The following PTK2B variants were observed in gnomAD, a reference collection of about 807,000 sequenced individuals.
PTK2B encodes the protein protein tyrosine kinase 2 beta.
PTK2B carries 71 observed loss-of-function variants against 142.9 expected under a neutral mutation model. The observed-to-expected ratio is 0.50, with a 90% CI of 0.41 to 0.61. The LOEUF (loss-of-function observed/expected upper bound fraction) is 0.61, where lower values mean the gene tolerates loss of function less well. Ranked by LOEUF, PTK2B falls within the 20% of genes least tolerant of loss-of-function variation. PTK2B has a pLI of 0.00. For missense variants in PTK2B, 1,105 were observed against 1,320.4 expected (o/e 0.84, Z 2.53); for synonymous variants, 519 against 503.4 (o/e 1.03, Z -0.42).
chr8:27,442,955 C>A lies in PTK2B; in HGVS notation c.2120C>A (p.Pro707His). 1 of 1,614,084 alleles carries A rather than the reference C, an allele frequency of 6.2e-7. No homozygotes were observed. Among genetic ancestry groups the A allele is most frequent in the Non-Finnish European group, 8.5e-7 (1 of 1,179,956 alleles). ...ARYRTPKILEPTAFQEPPPKP... is the reference protein window; with the variant it reads ...ARYRTPKILEHTAFQEPPPKP... ...TACCGAACCCCCAAAATCTTGGAGCCCACAGCCTTCCAGGAACCCCCACCC... is the reference window on the plus strand; with the variant it reads ...TACCGAACCCCCAAAATCTTGGAGCACACAGCCTTCCAGGAACCCCCACCC... Residue 707 changes from proline to histidine, a missense_variant, in exon 22 of 31, where the codon CCC becomes CAC. Coordinates refer to ENST00000346049, the MANE Select transcript of PTK2B (RefSeq NM_173176.3).
At chr8:27,341,240 A>G (rs1302519250) in intron 1 of PTK2B, among the ~76,000 whole-genome samples, 4 of 152,194 alleles carry the variant, frequency 2.6e-5, no homozygotes, top group Non-Finnish European at 2.9e-5. Flanking sequence ...ATTTTTCACA[A>G]GTACATGCAT....
In PTK2B at chr8:27,437,217, C is replaced by A. The variant is rs201401304; in HGVS notation, c.1426+11C>A. 2 of 1,609,462 alleles carry A rather than the reference C, an allele frequency of 1.2e-6. No homozygotes were observed. The highest frequency in any genetic ancestry group is 2.2e-5 in the East Asian group (1 of 44,816). On this transcript the variant is annotated intron_variant, in intron 16 of 30. Transcript: ENST00000346049. ...TCATGAGCGAGGCAGGTAGGGACCC[C>A]TGAGACCAACCAGGCCTCCAAGATG...
intron 1 of PTK2B, chr8:27,326,758 A>G (rs1223472832): frequency 6.6e-6 from 1 of 152,666 alleles, no homozygotes; most frequent in East Asian, 1.9e-4. Context: ...GTGACTAAAG[A>G]CAGAAGGGAG....
At chr8:27,401,265 A>G (rs919806479) in intron 2 of PTK2B, among the ~76,000 whole-genome samples, 2 of 58,968 alleles carry the variant, frequency 3.4e-5, no homozygotes, top group African/African-American at 8.7e-5. Flanking sequence ...GAGCAAGAGA[A>G]CCAGGAGAAC....
At chr8:27,390,893 G>T (rs1304073817) in intron 1 of PTK2B, among the ~76,000 whole-genome samples, 1 of 150,218 alleles carries the variant, frequency 6.7e-6, no homozygotes, top group African/African-American at 2.5e-5. Context: ...CGGGTCCATG[G>T]CAGAGACTCA....
chr8:27,324,111 A>G (rs975929048), upstream of PTK2B, among the ~76,000 whole-genome samples: 2 of 152,152 alleles, frequency 1.3e-5, no homozygotes, highest in Admixed American at 1.3e-4. Context: ...ATGCCCTCTG[A>G]CCATGTCCTT....
intron 1 of PTK2B, among the ~76,000 whole-genome samples, chr8:27,392,918 G>T (rs542997180): frequency 6.6e-6 from 1 of 152,184 alleles, no homozygotes; most frequent in Non-Finnish European, 1.5e-5. Context: ...CAAAGTCCTG[G>T]CACAAGAAGG....
intron 23 of PTK2B, among the ~76,000 whole-genome samples, chr8:27,444,814 T>C (rs1563296657): frequency 6.6e-6 from 1 of 152,196 alleles, no homozygotes; most frequent in Admixed American, 6.5e-5. Context: ...TCTCCTCTTA[T>C]TTCTTCTCTT....
intron 1 of PTK2B, among the ~76,000 whole-genome samples, chr8:27,339,758 T>C (rs1395230887): frequency 6.6e-6 from 1 of 152,192 alleles, no homozygotes; most frequent in African/African-American, 2.4e-5. Flanking sequence ...CACAGCAATG[T>C]GGACATACAT....
chr8:27,431,067 C>T, intron 8 of PTK2B, 51 bp downstream of exon 8: 2 of 1,579,594 alleles, frequency 1.3e-6, no homozygotes, highest in Non-Finnish European at 1.7e-6. Context: ...CCAGGCCTCT[C>T]GGAAAAGGGG....
At chr8:27,311,827 A>G (rs1463594362) in intron 1 of PTK2B, 1 of 152,372 alleles carries the variant, frequency 6.6e-6, no homozygotes, top group Non-Finnish European at 1.5e-5. Flanking sequence ...AAGGAGAAAC[A>G]AGAGAGGGGT....
intron 11 of PTK2B, 38 bp from the exon 12 acceptor site, chr8:27,434,055 C>A (rs372140682): frequency 8.9e-5 from 144 of 1,610,652 alleles, no homozygotes; most frequent in Non-Finnish European, 1.2e-4. Context: ...GTCCCTGTGT[C>A]CCCAGCTCCA....
At chr8:27,421,982 TG>T (rs1365424081) in intron 4 of PTK2B, among the ~76,000 whole-genome samples, 1 of 152,254 alleles carries the variant, frequency 6.6e-6, no homozygotes, top group Non-Finnish European at 1.5e-5. Flanking sequence ...AACAGAGCTT[TG>T]GATAAATTAC....
chr8:27,412,789 A>C (rs891914118), intron 2 of PTK2B, among the ~76,000 whole-genome samples: 1 of 152,130 alleles, frequency 6.6e-6, no homozygotes, highest in African/African-American at 2.4e-5. Flanking sequence ...TCTTAGAAGG[A>C]AATCTGAAAA....
intron 1 of PTK2B, among the ~76,000 whole-genome samples, chr8:27,342,110 A>G (rs758889291): frequency 6.6e-6 from 1 of 152,002 alleles, no homozygotes; most frequent in Non-Finnish European, 1.5e-5. Context: ...TTTGAGAACC[A>G]CTGCAGTGGA....
chr8:27,408,948 T>A (rs11994561), intron 2 of PTK2B, among the ~76,000 whole-genome samples: 2 of 152,072 alleles, frequency 1.3e-5, no homozygotes, highest in Non-Finnish European at 2.9e-5. Context: ...CTGAAGTCCA[T>A]AGGGGAACCC....
chr8:27,433,339 G>A, intron 10 of PTK2B, 96 bp from the exon 11 acceptor site: 1 of 1,073,694 alleles, frequency 9.3e-7, no homozygotes, highest in Non-Finnish European at 1.4e-6. Context: ...CCAGGCAAGG[G>A]TTGTGGCAGG....
rs765126941 is a variant in PTK2B, at chr8:27,450,871, G to T, written c.2463G>T (p.Trp821Cys). The change falls in exon 25 of 31, where the codon TGG (tryptophan) becomes TGT (cysteine). Residue 821 changes from tryptophan to cysteine, a missense_variant. By Grantham distance (215) the Trp-to-Cys change is radical. Coordinates refer to ENST00000346049, the MANE Select transcript of PTK2B (RefSeq NM_173176.3). ...AGCAGATGGTGGAGGACTACCAGTG[G>T]CTCAGGCAGGAGGAGAAGTCCCTGG... ...QQKQMVEDYQWLRQEEKSLDP... is the reference protein window; with the variant it reads ...QQKQMVEDYQCLRQEEKSLDP... The T allele has an allele frequency of 6.2e-7, 1 of 1,614,218 alleles. No homozygotes were observed. The highest frequency in any genetic ancestry group is 2.2e-5 in the East Asian group (1 of 44,886).
rs376666218 is a variant in PTK2B, at chr8:27,440,238, C to G, written c.1836C>G (p.Ala612=). Residue 612 remains alanine, a splice_region_variant and synonymous_variant, in exon 21 of 31, where the codon GCC becomes GCG. Transcript: ENST00000346049. ...FTTASDVWMF[A]VCMWEILSFG... ...GCCTGACGCTCCCTTACACCCCAGC[C>G]GTGTGCATGTGGGAGATCCTGAGCT... The G allele has an allele frequency of 6.2e-7, 1 of 1,613,990 alleles. No individual in the cohort carries two copies.
Sources: allele counts gnomAD v4.1 joint callset (sites outside exome capture counted in the v4.1 genomes callset), GRCh38; gene constraint gnomAD v4.1.1; transcripts MANE v1.5; gene names NCBI Gene and HGNC (gene_info 2026-07-23, HGNC 2026-07-21).